BCL7B: variants seen among roughly 807,000 people sequenced by gnomAD.
BCL7B encodes B-cell CLL/lymphoma 7 protein family member B.
Under a neutral mutation model 26.5 loss-of-function variants are expected in BCL7B, and 11 were observed. The observed-to-expected ratio is 0.42, with a 90% CI of 0.26 to 0.69. BCL7B has a LOEUF of 0.69. BCL7B is among the 30% of genes least tolerant of loss of function. The pLI is 0.28. For synonymous variants in BCL7B, 111 were observed against 107.9 expected, an observed-to-expected ratio of 1.03 and a Z score of -0.18; for missense variants, 215 against 264.4, an observed-to-expected ratio of 0.81 and a Z score of 1.30.
intron 2 of BCL7B, among the ~76,000 whole-genome samples, chr7:73,547,681 C>A (rs1554583605): frequency 1.3e-5 from 2 of 152,286 alleles, no homozygotes; most frequent in East Asian, 3.9e-4. Flanking sequence ...ATTTCATATA[C>A]AGGTAAAATC....
At chr7:73,549,241 T>A (rs1583996899) in intron 2 of BCL7B, among the ~76,000 whole-genome samples, 1 of 152,124 alleles carries the variant, frequency 6.6e-6, no homozygotes, top group Admixed American at 6.6e-5. Context: ...ATGTGATGAA[T>A]ATGCAGCAAA....
rs1428461987 is a variant in BCL7B at position 73,539,955 on chromosome 7, C to T, written c.363G>A (p.Leu121=). ...GGAAGTCGGAGGTGTGTGCTGGGCT[C>T]AGGGACTCACTCTGCTGGGGGCTGG... The part of the protein sequence containing the change: ...SSPSPQQSES[L]SPAHTSDFRT... Residue 121 remains leucine, a synonymous_variant, in exon 4 of 6, where the codon CTG becomes CTA. Transcript: ENST00000223368. 2 of 1,613,986 alleles carry T rather than the reference C, an allele frequency of 1.2e-6. No individual in the cohort carries two copies. Among genetic ancestry groups the T allele is most frequent in the Non-Finnish European group, 8.5e-7 (1 of 1,180,036 alleles).
At chr7:73,542,205 C>A (rs991069422) in intron 3 of BCL7B, among the ~76,000 whole-genome samples, 23 of 152,220 alleles carry the variant, frequency 1.5e-4, no homozygotes, top group African/African-American at 5.3e-4. Flanking sequence ...AGTGGGAGTT[C>A]ATTAAGTGTT....
intron 3 of BCL7B, among the ~76,000 whole-genome samples, chr7:73,541,286 C>T (rs1283837762): frequency 1.3e-5 from 2 of 152,100 alleles, no homozygotes; most frequent in Non-Finnish European, 2.9e-5. Flanking sequence ...CCTTCCTCTC[C>T]TACTGCTTCA....
At chr7:73,544,799 C>T (rs1791895939) in intron 2 of BCL7B, among the ~76,000 whole-genome samples, 1 of 152,128 alleles carries the variant, frequency 6.6e-6, no homozygotes, top group Non-Finnish European at 1.5e-5. Flanking sequence ...TGGCTCATGC[C>T]TGTAATCCCA....
chr7:73,548,245 T>C (rs1180872801), intron 2 of BCL7B, among the ~76,000 whole-genome samples: 4 of 151,694 alleles, frequency 2.6e-5, no homozygotes, highest in Non-Finnish European at 5.9e-5. Context: ...CTGGCCAACA[T>C]GGTAAAACCC....
rs1791557977 is a variant in BCL7B, at chr7:73,537,038, T to C, written c.*260A>G. ...GCTGCCTGGAGGTCACAGATGAATC[T>C]TGGGGTGGCCGATGCTCCAGCCAAC... On this transcript the variant is annotated 3_prime_UTR_variant, in exon 6 of 6. Transcript: ENST00000223368. 2.5e-6 allele frequency: 1 copy of C among 399,790 alleles called. No homozygotes were observed. Among genetic ancestry groups the C allele is most frequent in the South Asian group, 4.0e-5 (1 of 24,998 alleles). 24.8% of individuals were successfully genotyped at this position (399,790 alleles called of 1,614,324 possible).
intron 2 of BCL7B, among the ~76,000 whole-genome samples, chr7:73,546,184 T>A (rs1554583471): frequency 2.7e-5 from 4 of 149,860 alleles, no homozygotes. Flanking sequence ...TCCGTCCTCC[T>A]CGTAGTTACA....
intron 1 of BCL7B, chr7:73,556,945 C>T (rs1792383189): frequency 2.0e-6 from 2 of 989,894 alleles, no homozygotes; most frequent in Non-Finnish European, 1.2e-6. Flanking sequence ...ACCAAGCTCG[C>T]GGCGCAGGGG....
At chr7:73,554,029 G>A (rs529144034) in intron 1 of BCL7B, among the ~76,000 whole-genome samples, 23 of 150,062 alleles carry the variant, frequency 1.5e-4, no homozygotes, top group African/African-American at 4.2e-4. Flanking sequence ...GTGCAGTGGC[G>A]TGATCACCAC....
chr7:73,541,625 G>A (rs1554582888), intron 3 of BCL7B, among the ~76,000 whole-genome samples: 2 of 151,958 alleles, frequency 1.3e-5, no homozygotes, highest in East Asian at 1.9e-4. Flanking sequence ...GCGCCACCAC[G>A]CCTGGGTAAT....
At chr7:73,541,133 C>T (rs560875873) in intron 3 of BCL7B, among the ~76,000 whole-genome samples, 2 of 151,768 alleles carry the variant, frequency 1.3e-5, no homozygotes, top group African/African-American at 2.4e-5. Flanking sequence ...GGTGACATGG[C>T]GAGACTCCGT....
intron 2 of BCL7B, among the ~76,000 whole-genome samples, chr7:73,551,088 A>T (rs1554584068): frequency 6.6e-6 from 1 of 152,258 alleles, no homozygotes; most frequent in Non-Finnish European, 1.5e-5. Context: ...AATTAGAAAG[A>T]TGTATATACA....
chr7:73,537,347 C>T lies in BCL7B; in HGVS notation c.560G>A (p.Arg187His), dbSNP rs1476193659. Residue 187 changes from arginine to histidine, a missense_variant, in exon 6 of 6, where the codon CGC (arginine) becomes CAC (histidine). Physicochemically the swap from Arg to His is conservative, Grantham distance 29. Transcript: ENST00000223368. ...CACTGTGGGTTGGTCCACACAGAAG[C>T]GCTTCAGGGGCGGGGCACCTGAGTC... is the stretch of plus-strand genomic sequence containing the variant. Reference protein sequence around the residue: ...EEDSGAPPLKRFCVDQPTVPQ... With the variant: ...EEDSGAPPLKHFCVDQPTVPQ... 5 of 1,614,138 alleles carry T rather than the reference C, an allele frequency of 3.1e-6. No homozygotes were observed. Among genetic ancestry groups the T allele is most frequent in the East Asian group, 2.2e-5 (1 of 44,876 alleles).
chr7:73,543,466 C>G, intron 3 of BCL7B, 82 bp downstream of exon 3: 1 of 1,333,648 alleles, frequency 7.5e-7, no homozygotes, highest in Non-Finnish European at 1.1e-6. Flanking sequence ...GTGTGAGTCA[C>G]TGCACCTGGC....
intron 3 of BCL7B, among the ~76,000 whole-genome samples, chr7:73,540,962 C>A (rs1255061475): frequency 8.0e-5 from 12 of 150,386 alleles, no homozygotes; most frequent in Non-Finnish European, 1.5e-5. Context: ...GCCTGGCCAA[C>A]ATGGTGAAAC....
intron 1 of BCL7B, among the ~76,000 whole-genome samples, chr7:73,552,609 T>C (rs1046174294): frequency 4.0e-5 from 6 of 151,634 alleles, no homozygotes; most frequent in Non-Finnish European, 7.4e-5. Context: ...TGAAACTCTG[T>C]CGCTACAAAA....
At chr7:73,552,952 C>T (rs868974437) in intron 1 of BCL7B, among the ~76,000 whole-genome samples, 10 of 152,166 alleles carry the variant, frequency 6.6e-5, no homozygotes, top group Middle Eastern at 3.4e-3. Flanking sequence ...GACAGGGTCT[C>T]GTTCTGCCTC....
chr7:73,540,829 C>CAAAGAA (rs1185621706), intron 3 of BCL7B, among the ~76,000 whole-genome samples: 1 of 50,940 alleles, frequency 2.0e-5, no homozygotes, highest in African/African-American at 8.1e-5. Flanking sequence ...GACTCTGTCT[C>CAAAGAA]AAAAAAAAAA....
Sources: allele counts gnomAD v4.1 joint callset (sites outside exome capture counted in the v4.1 genomes callset), GRCh38; gene constraint gnomAD v4.1.1; transcripts MANE v1.5; gene names NCBI Gene and HGNC (gene_info 2026-07-23, HGNC 2026-07-21).